The following CRADD variants were observed in gnomAD, a reference collection of about 807,000 sequenced individuals.
CRADD encodes the protein death domain-containing protein CRADD.
CRADD carries 9 observed loss-of-function variants against 15.5 expected under a neutral mutation model. The observed-to-expected ratio is 0.58, with a 90% confidence interval of 0.35 to 1.01. The LOEUF is 1.01. Ranked by LOEUF, CRADD falls within the 50% of genes least tolerant of loss-of-function variation. The pLI is 0.02. For missense variants in CRADD, 227 were observed against 250.3 expected (o/e 0.91, Z 0.63); for synonymous variants, 118 against 107.6 (o/e 1.10, Z -0.60).
chr12:93,705,403 T>G (rs747742405), intron 2 of CRADD, among the ~76,000 whole-genome samples: 16 of 152,200 alleles, frequency 1.1e-4, no homozygotes, highest in Non-Finnish European at 1.8e-4. Context: ...GCAGGACCAT[T>G]TCAGATGGGA....
At chr12:93,680,799 T>A (rs1384715846) in intron 2 of CRADD, among the ~76,000 whole-genome samples, 1 of 152,230 alleles carries the variant, frequency 6.6e-6, no homozygotes, top group Non-Finnish European at 1.5e-5. Flanking sequence ...CTGAAAGCCT[T>A]TCACTATCAA....
chr12:93,704,850 C>T (rs894859517), intron 2 of CRADD, among the ~76,000 whole-genome samples: 1 of 152,144 alleles, frequency 6.6e-6, no homozygotes, highest in African/African-American at 2.4e-5. Flanking sequence ...TCAGTGCCCA[C>T]CTCGAGGCCT....
At chr12:93,686,942 A>G (rs1449227188) in intron 2 of CRADD, among the ~76,000 whole-genome samples, 2 of 151,728 alleles carry the variant, frequency 1.3e-5, no homozygotes, top group African/African-American at 4.8e-5. Context: ...TTAAGAGGAG[A>G]ATTTCCAAGG....
chr12:93,720,266 TA>T, intron 2 of CRADD, among the ~76,000 whole-genome samples: 1 of 152,362 alleles, frequency 6.6e-6, no homozygotes, highest in South Asian at 2.1e-4. Context: ...ATTTTTTATT[TA>T]AGTCCATTGT....
chr12:93,819,876 G>A (rs903991468), intron 2 of CRADD, among the ~76,000 whole-genome samples: 2 of 152,196 alleles, frequency 1.3e-5, no homozygotes, highest in Non-Finnish European at 2.9e-5. Context: ...TCCAGATTTC[G>A]AAGGGATTGA....
At chr12:93,720,845 GT>G (rs1221573604) in intron 2 of CRADD, among the ~76,000 whole-genome samples, 6 of 152,046 alleles carry the variant, frequency 3.9e-5, no homozygotes, top group East Asian at 1.9e-4. Context: ...ATTGGGTTTT[GT>G]TTTTTGATCT....
At chr12:93,880,541 A>G (rs913921393) in intron 2 of CRADD, among the ~76,000 whole-genome samples, 1 of 152,002 alleles carries the variant, frequency 6.6e-6, no homozygotes, top group African/African-American at 2.4e-5. Context: ...TTCTTCTAAC[A>G]TTTTTCATGA....
intron 2 of CRADD, among the ~76,000 whole-genome samples, chr12:93,718,934 A>AT (rs1012051874): frequency 1.3e-4 from 19 of 151,636 alleles, no homozygotes; most frequent in African/African-American, 3.6e-4. Flanking sequence ...TAATTTTTGT[A>AT]TTTTTTGTAG....
intron 2 of CRADD, among the ~76,000 whole-genome samples, chr12:93,745,372 TG>T (rs1956733885): frequency 6.6e-6 from 1 of 152,210 alleles, no homozygotes; most frequent in African/African-American, 2.4e-5. Flanking sequence ...AGAAAATGTT[TG>T]GCTTTTAGGG....
At chr12:93,819,639 T>C in intron 2 of CRADD, among the ~76,000 whole-genome samples, 1 of 152,216 alleles carries the variant, frequency 6.6e-6, no homozygotes, top group Non-Finnish European at 1.5e-5. Context: ...TTGTGAGAGG[T>C]AAGCAGGCTA....
intron 2 of CRADD, among the ~76,000 whole-genome samples, chr12:93,753,266 A>G (rs1006971880): frequency 2.6e-5 from 4 of 152,118 alleles, no homozygotes; most frequent in African/African-American, 4.8e-5. Context: ...CCATGATTCA[A>G]TTACCTCCCA....
At chr12:93,868,686 G>GCACACACACACACACA (rs570970896) in intron 2 of CRADD, among the ~76,000 whole-genome samples, 301 of 142,910 alleles carry the variant, frequency 2.1e-3, no homozygotes, top group African/African-American at 7.3e-3. Flanking sequence ...TCTCTCTCTT[G>GCACACACACACACACA]CACACACACA....
At chr12:93,764,443 G>A (rs1957004189) in intron 2 of CRADD, among the ~76,000 whole-genome samples, 1 of 152,118 alleles carries the variant, frequency 6.6e-6, no homozygotes, top group Admixed American at 6.5e-5. Context: ...TTGTGCAGCT[G>A]GTTGGTTGGT....
At chr12:93,769,767 G>A (rs1957063206) in intron 2 of CRADD, among the ~76,000 whole-genome samples, 1 of 152,056 alleles carries the variant, frequency 6.6e-6, no homozygotes, top group Admixed American at 6.6e-5. Context: ...TATGTTTATT[G>A]ACCATTTGGA....
chr12:93,787,325 T>G (rs1047152984), intron 2 of CRADD, among the ~76,000 whole-genome samples: 158 of 150,304 alleles, frequency 1.1e-3, no homozygotes, highest in Non-Finnish European at 1.9e-3. Context: ...TTTTTTTTTT[T>G]TTTTTAATAT....
At chr12:93,887,376 C>G (rs10507027) in intron 2 of CRADD, among the ~76,000 whole-genome samples, 2 of 152,034 alleles carry the variant, frequency 1.3e-5, no homozygotes, top group African/African-American at 2.4e-5. Flanking sequence ...GGGCCGCTAA[C>G]GAGTGGAGGG....
At chr12:93,827,278 T>C (rs965490298) in intron 2 of CRADD, among the ~76,000 whole-genome samples, 24 of 152,320 alleles carry the variant, frequency 1.6e-4, no homozygotes, top group African/African-American at 5.3e-4. Flanking sequence ...CATTATGTGT[T>C]GGTTTCATTT....
intron 2 of CRADD, among the ~76,000 whole-genome samples, chr12:93,770,815 T>A (rs896218369): frequency 6.6e-6 from 1 of 152,226 alleles, no homozygotes; most frequent in Non-Finnish European, 1.5e-5. Flanking sequence ...TTAGAACAGC[T>A]TGTCAATTTC....
downstream of CRADD, among the ~76,000 whole-genome samples, chr12:93,853,390 A>G (rs192152319): frequency 6.6e-6 from 1 of 152,318 alleles, no homozygotes; most frequent in African/African-American, 2.4e-5. Flanking sequence ...CTCTGTGCCA[A>G]TGATTTCAAT....
Sources: gnomAD v4.1 joint callset for allele counts (sites outside exome capture counted in the v4.1 genomes callset) on GRCh38, gnomAD v4.1.1 for gene constraint, MANE v1.5 for transcripts, NCBI Gene and HGNC (gene_info 2026-07-23, HGNC 2026-07-21) for gene names.